Variants in GPC3 observed in about 807,000 individuals in gnomAD.
GPC3 encodes the protein glypican 3.
A neutral mutation model predicts 34.4 loss-of-function variants in GPC3; 3 were observed. The observed-to-expected ratio is 0.09, with a 90% confidence interval of 0.04 to 0.23. The LOEUF (loss-of-function observed/expected upper bound fraction) is 0.23. GPC3 is among the 10% of genes least tolerant of loss of function. GPC3 has a pLI of 1.00. For synonymous variants in GPC3, 177 were observed against 174.0 expected, an observed-to-expected ratio of 1.02 and a Z score of -0.13; for missense variants, 351 against 445.6, an observed-to-expected ratio of 0.79 and a Z score of 1.91.
chrX:133,904,497 A>C (rs948476544), intron 2 of GPC3, among the ~76,000 whole-genome samples: 3 of 112,164 alleles, frequency 2.7e-5, no homozygotes, highest in Non-Finnish European at 5.6e-5. Context: ...GGCCAGTTTG[A>C]AATGGAGAGG....
intron 7 of GPC3, among the ~76,000 whole-genome samples, chrX:133,542,942 C>G (rs2069354250): frequency 8.9e-6 from 1 of 111,790 alleles, no homozygotes; most frequent in Admixed American, 9.5e-5. Flanking sequence ...CTTTTGTCAA[C>G]TTTTAGATGT....
At chrX:133,660,127 T>C (rs1304285641) in intron 6 of GPC3, among the ~76,000 whole-genome samples, 4 of 111,442 alleles carry the variant, frequency 3.6e-5, no homozygotes, top group Non-Finnish European at 7.5e-5. Context: ...ACCAGAGGAG[T>C]TTATACCCAA....
chrX:133,686,460 G>T (rs2071003719), intron 5 of GPC3, among the ~76,000 whole-genome samples: 1 of 112,026 alleles, frequency 8.9e-6, no homozygotes, highest in Non-Finnish European at 1.9e-5. Flanking sequence ...GCCATAAAAT[G>T]ATAAAGTACT....
Position 133,918,120 on chromosome X carries a change from A to G in GPC3, c.337+34930T>C, listed in dbSNP as rs2076232782. Among the ~76,000 whole-genome samples the G allele has an allele frequency of 2.7e-5, 3 of 112,660 alleles. No individual in the cohort carries two copies. The South Asian group carries it at 1.1e-3, about 41-fold the overall frequency. On this transcript the variant is annotated intron_variant, in intron 2 of 7. Transcript: ENST00000370818. Reference sequence around the variant, plus strand: ...GTATATCTTTTTAAAAAAATCATATAAATAAAAAACTACCTAGAATTCTCA... The same window carrying G: ...GTATATCTTTTTAAAAAAATCATATGAATAAAAAACTACCTAGAATTCTCA...
At chrX:133,715,011 G>A (rs2071301325) in intron 3 of GPC3, among the ~76,000 whole-genome samples, 1 of 111,760 alleles carries the variant, frequency 8.9e-6, no homozygotes, top group Admixed American at 9.5e-5. Context: ...TATTGTTCCT[G>A]GGTGTGTCTG....
chrX:133,952,949 G>T (rs1360778879), intron 2 of GPC3, 101 bp downstream of exon 2: 2 of 780,657 alleles, frequency 2.6e-6, no homozygotes, highest in Admixed American at 4.6e-5. Context: ...AAGCATTAAT[G>T]CTGGAATGGT....
chrX:133,868,358 C>A (rs2075978200), intron 2 of GPC3, among the ~76,000 whole-genome samples: 1 of 111,975 alleles, frequency 8.9e-6, no homozygotes, highest in Non-Finnish European at 1.9e-5. Context: ...GGGAACTCTT[C>A]CATTTCATCA....
intron 2 of GPC3, among the ~76,000 whole-genome samples, chrX:133,792,461 T>C (rs935090412): frequency 1.2e-4 from 13 of 111,658 alleles, no homozygotes; most frequent in South Asian, 7.6e-4. Context: ...TGAAAGACTA[T>C]GGACCATGGC....
Position 133,942,863 on chromosome X carries a change from T to A in GPC3, c.337+10187A>T, listed in dbSNP as rs769583834. ...ATTCTTTCTAATGAACCTATGATTA[T>A]TGATTTTTTAATGCACACTAAAATT... On this transcript the variant is annotated intron_variant, in intron 2 of 7. Transcript: ENST00000370818. Among the ~76,000 whole-genome samples, 4 of 112,125 alleles carry A rather than the reference T, an allele frequency of 3.6e-5. No homozygotes were observed. The South Asian group carries it at 1.5e-3, about 42-fold the overall frequency.
rs181682286 is a variant in GPC3, at chrX:133,726,027, C to T, written c.1033-25999G>A. Among the ~76,000 whole-genome samples the T allele has an allele frequency of 2.7e-4, 30 of 112,102 alleles. 1 individual carries two copies. The East Asian group carries it at 7.6e-3, about 29-fold the overall frequency. ...GGGAGTGAGACTAGATACATAAACG[C>T]TCTATCTCCTAGGTTTTATTAAAAA... On this transcript the variant is annotated intron_variant, in intron 3 of 7. Transcript: ENST00000370818.
At position 133,931,995 on chromosome X, in the gene GPC3, G is replaced by A. The variant is rs571519325; in HGVS notation, c.337+21055C>T. 4.5e-5 allele frequency among the ~76,000 whole-genome samples: 5 copies of A among 112,303 alleles called. No individual in the cohort carries two copies. The South Asian group carries it at 1.9e-3, about 42-fold the overall frequency. ...CTTCTCCCAGTGTCAGCAATGAATA[G>A]GATTCTAAAACACACTGGAGGACTG... is the stretch of plus-strand genomic sequence containing the variant. On this transcript the variant is annotated intron_variant, in intron 2 of 7. Transcript: ENST00000370818.
At chrX:133,763,805 C>T (rs752427665) in intron 2 of GPC3, 291 of 407,128 alleles carry the variant, frequency 7.1e-4, no homozygotes, top group African/African-American at 5.9e-3. Context: ...AAAGGGAATG[C>T]CTATGCACTG....
chrX:133,980,213 A>G (rs1366663162), intron 1 of GPC3, among the ~76,000 whole-genome samples: 2 of 112,240 alleles, frequency 1.8e-5, no homozygotes, highest in East Asian at 5.6e-4. Flanking sequence ...AAAATTTAAT[A>G]AGCCCTACTG....
At chrX:133,691,723 A>G (rs963438186) in intron 5 of GPC3, among the ~76,000 whole-genome samples, 1 of 111,849 alleles carries the variant, frequency 8.9e-6, no homozygotes, top group African/African-American at 3.2e-5. Flanking sequence ...ATGGTACTTA[A>G]TATACAATTA....
chrX:133,644,268 T>G (rs960636322), intron 6 of GPC3, among the ~76,000 whole-genome samples: 6 of 111,674 alleles, frequency 5.4e-5, no homozygotes, highest in African/African-American at 2.0e-4. Context: ...TCCTTGACAA[T>G]GAGACTGTGC....
rs1157163076 is a variant in GPC3, at chrX:133,778,905, C to A, written c.338-24729G>T. Among the ~76,000 whole-genome samples, 3 of 111,971 alleles carry A rather than the reference C, an allele frequency of 2.7e-5. No individual in the cohort carries two copies. In the East Asian group the frequency reaches 8.4e-4, roughly 31 times the overall value. On this transcript the variant is annotated intron_variant, in intron 2 of 7. Coordinates refer to ENST00000370818, the MANE Select transcript of GPC3 (RefSeq NM_004484.4). ...ACTTGAAAAATTTACATATTTTCTG[C>A]CTTTAGTGTTTTTTTACCCTCTAAA... is the stretch of plus-strand genomic sequence containing the variant.
At chrX:133,909,761 C>T (rs931748912) in intron 2 of GPC3, among the ~76,000 whole-genome samples, 6 of 111,292 alleles carry the variant, frequency 5.4e-5, no homozygotes, top group African/African-American at 2.0e-4. Flanking sequence ...ATAACAGATG[C>T]ATATTATTTT....
At chrX:133,710,516 G>A (rs2071257035) in intron 3 of GPC3, among the ~76,000 whole-genome samples, 1 of 112,289 alleles carries the variant, frequency 8.9e-6, no homozygotes, top group East Asian at 2.8e-4. Context: ...TGCTTTGTGT[G>A]TCATAATCCT....
intron 2 of GPC3, among the ~76,000 whole-genome samples, chrX:133,831,821 G>A (rs748949851): frequency 8.9e-6 from 1 of 112,858 alleles, no homozygotes; most frequent in Non-Finnish European, 1.9e-5. Flanking sequence ...GTATGTAGAT[G>A]GCCAACACCC....
Sources: gnomAD v4.1 joint callset for allele counts (sites outside exome capture counted in the v4.1 genomes callset) on GRCh38, gnomAD v4.1.1 for gene constraint, MANE v1.5 for transcripts, NCBI Gene and HGNC (gene_info 2026-07-23, HGNC 2026-07-21) for gene names.